MCU: variants seen among roughly 807,000 people sequenced by gnomAD.
The protein encoded by MCU is calcium uniporter protein, mitochondrial.
In MCU, 12 loss-of-function variants were observed where a neutral mutation model predicts 45.2. The ratio of observed to expected loss-of-function variants is 0.27; its 90% CI spans 0.17 to 0.43. The LOEUF is 0.43. MCU is among the 20% of genes least tolerant of loss of function. The probability of loss-of-function intolerance (pLI) is 1.00; values close to 1 mark genes in which losing one functional copy is unlikely to be tolerated. For missense variants in MCU, 324 were observed against 436.7 expected, an observed-to-expected ratio of 0.74 and a Z score of 2.30; for synonymous variants, 160 against 165.1, an observed-to-expected ratio of 0.97 and a Z score of 0.24.
intron 6 of MCU, among the ~76,000 whole-genome samples, chr10:72,880,279 A>G (rs925282475): frequency 6.6e-6 from 1 of 152,200 alleles, no homozygotes; most frequent in African/African-American, 2.4e-5. Context: ...TTTGTACATG[A>G]AAAAATACAG....
intron 1 of MCU, among the ~76,000 whole-genome samples, chr10:72,806,071 C>G (rs1844443104): frequency 6.6e-6 from 1 of 151,550 alleles, no homozygotes; most frequent in African/African-American, 2.4e-5. Context: ...TTTCAAAAAG[C>G]CAATGTGGTG....
At chr10:72,847,176 T>C (rs1341236277) in intron 2 of MCU, among the ~76,000 whole-genome samples, 1 of 152,176 alleles carries the variant, frequency 6.6e-6, no homozygotes, top group Non-Finnish European at 1.5e-5. Flanking sequence ...AGTTTTGCCA[T>C]GTTGGCCAGG....
At chr10:72,709,699 C>A (rs1818691703) in intron 1 of MCU, among the ~76,000 whole-genome samples, 1 of 152,050 alleles carries the variant, frequency 6.6e-6, no homozygotes, top group African/African-American at 2.4e-5. Flanking sequence ...GTTTTAACCC[C>A]AAAGAAAATG....
chr10:72,774,175 A>G (rs1843855209), intron 1 of MCU, among the ~76,000 whole-genome samples: 1 of 152,230 alleles, frequency 6.6e-6, no homozygotes, highest in South Asian at 2.1e-4. Flanking sequence ...AATCACATCT[A>G]TCAAAAACAA....
intron 2 of MCU, among the ~76,000 whole-genome samples, chr10:72,843,150 C>T (rs1215917997): frequency 1.3e-5 from 2 of 152,156 alleles, no homozygotes; most frequent in African/African-American, 2.4e-5. Flanking sequence ...ATTGACGCAT[C>T]ATTACAACCC....
chr10:72,842,293 T>C (rs891067214), intron 2 of MCU, among the ~76,000 whole-genome samples: 1 of 152,218 alleles, frequency 6.6e-6, no homozygotes, highest in Non-Finnish European at 1.5e-5. Flanking sequence ...TCTTAAGGAT[T>C]ACCTCCACAC....
intron 1 of MCU, among the ~76,000 whole-genome samples, chr10:72,722,248 A>G (rs931467919): frequency 6.9e-6 from 1 of 145,878 alleles, no homozygotes; most frequent in African/African-American, 2.5e-5. Flanking sequence ...CCCGGGAGGC[A>G]GAGATTGCAG....
chr10:72,783,833 A>G (rs1166807257), intron 1 of MCU, among the ~76,000 whole-genome samples: 1 of 152,166 alleles, frequency 6.6e-6, no homozygotes, highest in Non-Finnish European at 1.5e-5. Context: ...AATGTTGGGG[A>G]GTGGGGAGGA....
chr10:72,874,180 G>A (rs1392125669), intron 6 of MCU, among the ~76,000 whole-genome samples: 3 of 152,124 alleles, frequency 2.0e-5, no homozygotes, highest in Admixed American at 2.0e-4. Flanking sequence ...ATGTGTACAT[G>A]GTTCAGGGTA....
intron 1 of MCU, among the ~76,000 whole-genome samples, chr10:72,735,473 A>G (rs1332336261): frequency 6.6e-6 from 1 of 152,204 alleles, no homozygotes; most frequent in Non-Finnish European, 1.5e-5. Context: ...ATGAGTCCAC[A>G]GTATTATCTG....
chr10:72,801,495 A>T (rs554252356), intron 1 of MCU, among the ~76,000 whole-genome samples: 3 of 150,782 alleles, frequency 2.0e-5, no homozygotes, highest in African/African-American at 4.9e-5. Flanking sequence ...CTGTAGTTTC[A>T]TGTTCTTCAC....
intron 1 of MCU, among the ~76,000 whole-genome samples, chr10:72,758,134 A>T (rs1171808955): frequency 6.6e-6 from 1 of 152,224 alleles, no homozygotes. Context: ...GAGAATTTAT[A>T]TCTTTAGGTA....
chr10:72,724,716 C>G (rs1270107027), intron 1 of MCU, among the ~76,000 whole-genome samples: 1 of 152,160 alleles, frequency 6.6e-6, no homozygotes, highest in African/African-American at 2.4e-5. Context: ...TATTCCTTCT[C>G]TTTATGGAGA....
At chr10:72,866,496 A>C (rs953286407) in intron 4 of MCU, among the ~76,000 whole-genome samples, 1 of 152,118 alleles carries the variant, frequency 6.6e-6, no homozygotes, top group Non-Finnish European at 1.5e-5. Flanking sequence ...CTCTGGGTTC[A>C]AGCGAGTCTC....
At chr10:72,819,648 A>C (rs772890943) in intron 1 of MCU, among the ~76,000 whole-genome samples, 3 of 150,462 alleles carry the variant, frequency 2.0e-5, no homozygotes, top group Non-Finnish European at 4.4e-5. Flanking sequence ...TTTCAAATCT[A>C]TGTAGAAGTG....
intron 2 of MCU, among the ~76,000 whole-genome samples, chr10:72,858,100 G>A (rs1261699668): frequency 2.6e-5 from 4 of 152,266 alleles, no homozygotes; most frequent in East Asian, 3.9e-4. Context: ...GCTGGGAAGT[G>A]TAGCCTCCAT....
At chr10:72,877,759 T>C (rs1845638455) in intron 6 of MCU, among the ~76,000 whole-genome samples, 1 of 152,102 alleles carries the variant, frequency 6.6e-6, no homozygotes. Context: ...GAGGAGAGTA[T>C]AGTGGAGAGG....
intron 4 of MCU, 57 bp downstream of exon 4, chr10:72,860,584 C>G: frequency 7.2e-7 from 1 of 1,395,392 alleles, no homozygotes; most frequent in Non-Finnish European, 1.0e-6. Context: ...TTGGAAATAA[C>G]TTTATTTTTT....
chr10:72,786,566 C>A (rs865848800), intron 1 of MCU, among the ~76,000 whole-genome samples: 7 of 151,842 alleles, frequency 4.6e-5, no homozygotes, highest in Non-Finnish European at 7.4e-5. Flanking sequence ...GTCAACATGG[C>A]GAAACCCCGT....
Sources: gnomAD v4.1 joint callset for allele counts (sites outside exome capture counted in the v4.1 genomes callset) on GRCh38, gnomAD v4.1.1 for gene constraint, MANE v1.5 for transcripts, NCBI Gene and HGNC (gene_info 2026-07-23, HGNC 2026-07-21) for gene names.